ODF2L: variants seen among roughly 807,000 people sequenced by gnomAD.
ODF2L encodes the protein outer dense fiber of sperm tails 2 like.
A neutral mutation model predicts 86.3 loss-of-function variants in ODF2L; 76 were observed. The observed-to-expected ratio is 0.88, with a 90% CI of 0.73 to 1.07. The LOEUF is 1.07. Ranked by LOEUF, ODF2L falls within the 50% of genes least tolerant of loss-of-function variation. The pLI is 0.00. For synonymous variants in ODF2L, 241 were observed against 231.3 expected, an observed-to-expected ratio of 1.04 and a Z score of -0.38; for missense variants, 748 against 717.4, an observed-to-expected ratio of 1.04 and a Z score of -0.49.
At chr1:86,348,583 A>G (rs1657919574), downstream of ODF2L, 2 of 511,808 alleles carry the variant, frequency 3.9e-6, no homozygotes, top group African/African-American at 4.0e-5. Context: ...ATCCTATTTT[A>G]AAGTTTCAGT....
intron 7 of ODF2L, among the ~76,000 whole-genome samples, chr1:86,376,924 T>C (rs1032622566): frequency 6.6e-6 from 1 of 152,296 alleles, no homozygotes. Context: ...TGTCTTCACA[T>C]TTCAAAACAC....
intron 9 of ODF2L, among the ~76,000 whole-genome samples, chr1:86,371,374 T>C (rs1429352595): frequency 1.3e-5 from 2 of 152,156 alleles, no homozygotes; most frequent in East Asian, 3.8e-4. Flanking sequence ...CCACTGATGA[T>C]ACCAACAAAA....
At chr1:86,379,609 A>G (rs1660423836) in intron 7 of ODF2L, among the ~76,000 whole-genome samples, 1 of 152,230 alleles carries the variant, frequency 6.6e-6, no homozygotes, top group African/African-American at 2.4e-5. Context: ...TCTTAAAGAT[A>G]TGATTATAAT....
intron 13 of ODF2L, among the ~76,000 whole-genome samples, chr1:86,357,245 T>C (rs1658646654): frequency 6.6e-6 from 1 of 152,170 alleles, no homozygotes; most frequent in Non-Finnish European, 1.5e-5. Flanking sequence ...AAGAAATGTT[T>C]GCACTGCTAA....
At chr1:86,370,995 G>T (rs1034166400) in intron 10 of ODF2L, 23 bp downstream of exon 10, 4 of 1,496,592 alleles carry the variant, frequency 2.7e-6, no homozygotes, top group Non-Finnish European at 3.6e-6. Context: ...ATACATGCCT[G>T]CTCAAACACT....
intron 4 of ODF2L, among the ~76,000 whole-genome samples, chr1:86,383,851 A>C (rs1275807027): frequency 3.3e-5 from 5 of 151,826 alleles, no homozygotes; most frequent in African/African-American, 1.2e-4. Flanking sequence ...TATTCAATAC[A>C]TGAGAAAATA....
Position 86,371,094 on chromosome 1 carries a change from C to A in ODF2L, c.980G>T (p.Cys327Phe), listed in dbSNP as rs570122892. 3.3e-5 allele frequency: 52 copies of A among 1,561,138 alleles called. No individual in the cohort carries two copies. The East Asian group carries it at 8.4e-4, about 25-fold the overall frequency. Reference sequence around the variant, plus strand: ...GTGAACTTTTCTAAGAATTTCTTCACATGAATTTTTTCCATGGTCTTCCAT... The same window carrying A: ...GTGAACTTTTCTAAGAATTTCTTCAAATGAATTTTTTCCATGGTCTTCCAT... Residue 327 changes from cysteine (C) to phenylalanine (F), a missense_variant, in exon 10 of 18, where the codon TGT becomes TTT. Coordinates refer to ENST00000317336, the Ensembl canonical transcript of ODF2L.
chr1:86,392,201 G>T (rs1228787026), intron 1 of ODF2L, among the ~76,000 whole-genome samples: 1 of 152,156 alleles, frequency 6.6e-6, no homozygotes, highest in Non-Finnish European at 1.5e-5. Context: ...TGGCATGGAT[G>T]CAGTGAAAAG....
intron 8 of ODF2L, among the ~76,000 whole-genome samples, chr1:86,375,792 T>C (rs2101095085): frequency 6.6e-6 from 1 of 152,342 alleles, no homozygotes; most frequent in Non-Finnish European, 1.5e-5. Flanking sequence ...AGTTGCTTTG[T>C]GCATAAAAGA....
intron 7 of ODF2L, among the ~76,000 whole-genome samples, chr1:86,380,739 C>T (rs770408671): frequency 2.6e-5 from 4 of 152,104 alleles, no homozygotes; most frequent in Non-Finnish European, 5.9e-5. Flanking sequence ...ACATTTTATA[C>T]AGACAATCAT....
At chr1:86,349,996 G>A (rs1658014780), downstream of ODF2L, 1 of 228,440 alleles carries the variant, frequency 4.4e-6, no homozygotes, top group East Asian at 1.8e-4. Flanking sequence ...TCCCCTGGAA[G>A]GCATAAAACA....
chr1:86,354,993 C>A, intron 14 of ODF2L, 134 bp from the exon 14 acceptor site: 1 of 568,166 alleles, frequency 1.8e-6, no homozygotes, highest in Non-Finnish European at 3.1e-6. Flanking sequence ...CAGAAAGACA[C>A]CAAGAAAATG....
At chr1:86,388,369 C>T (rs1570437437) in intron 1 of ODF2L, among the ~76,000 whole-genome samples, 1 of 151,980 alleles carries the variant, frequency 6.6e-6, no homozygotes, top group East Asian at 1.9e-4. Flanking sequence ...AATAGCTATC[C>T]CCATACAGAA....
chr1:86,357,633 G>T, intron 13 of ODF2L: 5 of 238,568 alleles, frequency 2.1e-5, no homozygotes, highest in East Asian at 1.7e-4. Flanking sequence ...AAAAATGTCT[G>T]TTTTAAGGAC....
intron 13 of ODF2L, among the ~76,000 whole-genome samples, chr1:86,357,008 T>C (rs923466385): frequency 2.0e-5 from 3 of 152,214 alleles, no homozygotes; most frequent in East Asian, 1.9e-4. Context: ...ATAACTCAGA[T>C]ACTTACTTAA....
intron 10 of ODF2L, among the ~76,000 whole-genome samples, chr1:86,369,983 A>AT (rs1241004388): frequency 6.6e-6 from 1 of 152,226 alleles, no homozygotes. Flanking sequence ...AATTGTGTAT[A>AT]TTTTTTCTCA....
At chr1:86,360,773 G>A (rs1035320820) in intron 11 of ODF2L, 2 of 260,768 alleles carry the variant, frequency 7.7e-6, no homozygotes, top group Non-Finnish European at 1.4e-5. Context: ...TAAATTTACT[G>A]ACAAAAAAAC....
intron 14 of ODF2L, among the ~76,000 whole-genome samples, chr1:86,355,781 GT>G (rs1192256837): frequency 5.1e-5 from 7 of 136,142 alleles, no homozygotes; most frequent in South Asian, 2.4e-4. Context: ...AGAAAATGCA[GT>G]ATTTTTTTTT....
intron 13 of ODF2L, 22 bp from the exon 13 acceptor site, chr1:86,356,624 A>G (rs1438081675): frequency 2.5e-6 from 4 of 1,604,666 alleles, no homozygotes; most frequent in Non-Finnish European, 3.4e-6. Flanking sequence ...CAGTAGGGAA[A>G]TAAGTGCAAG....
Sources: gnomAD v4.1 joint callset for allele counts (sites outside exome capture counted in the v4.1 genomes callset) on GRCh38, gnomAD v4.1.1 for gene constraint, MANE v1.5 for transcripts, NCBI Gene and HGNC (gene_info 2026-07-23, HGNC 2026-07-21) for gene names.